The following PEBP4 variants were observed in gnomAD, a reference collection of about 807,000 sequenced individuals.
PEBP4 encodes phosphatidylethanolamine-binding protein 4.
In PEBP4, 22 loss-of-function variants were observed where a neutral mutation model predicts 23.9. That is an observed-to-expected ratio of 0.92 (90% CI 0.66 to 1.31). The LOEUF (loss-of-function observed/expected upper bound fraction) is 1.31, where lower values mean the gene tolerates loss of function less well. PEBP4 is among the 40% of genes most tolerant of loss of function. The pLI is 0.00. For missense variants in PEBP4, 324 were observed against 281.7 expected, an observed-to-expected ratio of 1.15 and a Z score of -1.07; for synonymous variants, 112 against 99.3, an observed-to-expected ratio of 1.13 and a Z score of -0.76.
At chr8:22,794,677 T>G (rs1224104572) in intron 4 of PEBP4, among the ~76,000 whole-genome samples, 1 of 152,190 alleles carries the variant, frequency 6.6e-6, no homozygotes, top group East Asian at 1.9e-4. Flanking sequence ...TTCAATGTGC[T>G]GCTTGCTTCT....
At chr8:22,817,811 C>A in intron 3 of PEBP4, 76 bp from the exon 4 acceptor site, 1 of 1,369,888 alleles carries the variant, frequency 7.3e-7, no homozygotes, top group Admixed American at 1.7e-5. Flanking sequence ...ACCTCCTTTT[C>A]CCGCCATTCC....
At chr8:22,916,452 G>A (rs547381099) in intron 3 of PEBP4, among the ~76,000 whole-genome samples, 50 of 152,280 alleles carry the variant, frequency 3.3e-4, no homozygotes, top group Admixed American at 1.2e-3. Flanking sequence ...TCATGAACCT[G>A]CCTGACTTCC....
At chr8:22,830,147 T>TGTC (rs1393564112) in intron 3 of PEBP4, among the ~76,000 whole-genome samples, 21 of 80,942 alleles carry the variant, frequency 2.6e-4, no homozygotes, top group African/African-American at 9.2e-4. Context: ...GTGTGTGTGT[T>TGTC]TTTACGGAGT....
chr8:22,873,330 T>C (rs1431476477), intron 3 of PEBP4, among the ~76,000 whole-genome samples: 1 of 152,192 alleles, frequency 6.6e-6, no homozygotes, highest in African/African-American at 2.4e-5. Flanking sequence ...CAAGATAGCA[T>C]TTAAAGTAAC....
chr8:22,737,175 T>A (rs1804881964), intron 4 of PEBP4, among the ~76,000 whole-genome samples: 1 of 151,180 alleles, frequency 6.6e-6, no homozygotes, highest in South Asian at 2.1e-4. Context: ...GCGCCTGTAG[T>A]CCCAGTTACT....
chr8:22,822,355 G>GTGTGTGTGTGTGTGTGTGTGTA (rs1554489115), intron 3 of PEBP4, among the ~76,000 whole-genome samples: 55 of 17,776 alleles, frequency 3.1e-3, no homozygotes, highest in Admixed American at 0.03. Flanking sequence ...ATATACTAAA[G>GTGTGTGTGTGTGTGTGTGTGTA]TGTGTGTGTG....
chr8:22,752,964 CCT>C (rs1554481719), intron 4 of PEBP4, among the ~76,000 whole-genome samples: 2 of 152,192 alleles, frequency 1.3e-5, no homozygotes, highest in Non-Finnish European at 2.9e-5. Context: ...GAGACGTATT[CCT>C]GCTATGTCTC....
chr8:22,741,236 C>T (rs1051987767), intron 4 of PEBP4, among the ~76,000 whole-genome samples: 4 of 152,178 alleles, frequency 2.6e-5, no homozygotes, highest in African/African-American at 7.2e-5. Flanking sequence ...GCTGAGCTGC[C>T]GTTCTCACGT....
At chr8:22,934,967 T>C (rs897336155) in intron 1 of PEBP4, among the ~76,000 whole-genome samples, 3 of 152,202 alleles carry the variant, frequency 2.0e-5, no homozygotes, top group African/African-American at 7.2e-5. Context: ...GGGATGGCTA[T>C]ATTAATATCA....
intron 1 of PEBP4, among the ~76,000 whole-genome samples, chr8:22,936,456 A>G (rs1809542156): frequency 6.6e-6 from 1 of 152,306 alleles, no homozygotes; most frequent in South Asian, 2.1e-4. Context: ...AGATTGAAGC[A>G]GTAATCAAAA....
intron 6 of PEBP4, among the ~76,000 whole-genome samples, chr8:22,720,707 G>T (rs535449499): frequency 6.6e-6 from 1 of 152,070 alleles, no homozygotes; most frequent in East Asian, 1.9e-4. Context: ...CACCAGTTAA[G>T]GCTGTTTAGA....
intron 3 of PEBP4, among the ~76,000 whole-genome samples, chr8:22,860,608 C>T (rs189149849): frequency 3.3e-5 from 5 of 152,196 alleles, no homozygotes; most frequent in African/African-American, 4.8e-5. Context: ...GGATATACCA[C>T]GTTGTGTTTA....
chr8:22,724,925 A>T lies in PEBP4; in HGVS notation c.435T>A (p.Ser145Arg). 6.2e-7 allele frequency: 1 copy of T among 1,614,130 alleles called. No individual in the cohort carries two copies. The highest frequency in any genetic ancestry group is 8.5e-7 in the Non-Finnish European group (1 of 1,180,008). The change falls in exon 6 of 7, where the codon AGT becomes AGA. Residue 145 changes from serine to arginine, a missense_variant. Transcript: ENST00000256404. ...CAAAGAACTGGTAGCGATGGAAGCC[A>T]CTGTGTGCCGGTGGGGAGGGAGCCT... Reference protein sequence around the residue: ...AYQAPSPPAHSGFHRYQFFVY... With the variant: ...AYQAPSPPAHRGFHRYQFFVY...
intron 4 of PEBP4, among the ~76,000 whole-genome samples, chr8:22,776,433 G>A (rs1805816519): frequency 6.6e-6 from 1 of 151,988 alleles, no homozygotes; most frequent in Non-Finnish European, 1.5e-5. Context: ...TGGCATGTGA[G>A]TACCTTTGAA....
intron 4 of PEBP4, among the ~76,000 whole-genome samples, chr8:22,773,777 C>T (rs1446776625): frequency 6.6e-6 from 1 of 152,140 alleles, no homozygotes; most frequent in African/African-American, 2.4e-5. Context: ...CAGCCGGGGG[C>T]TTTAGGATGC....
intron 3 of PEBP4, among the ~76,000 whole-genome samples, chr8:22,916,631 A>T (rs1809078723): frequency 6.6e-6 from 1 of 151,862 alleles, no homozygotes; most frequent in Non-Finnish European, 1.5e-5. Flanking sequence ...ACTCCAGGAG[A>T]TGCTCTCCCA....
At chr8:22,835,955 G>T (rs538671847) in intron 3 of PEBP4, among the ~76,000 whole-genome samples, 1 of 152,222 alleles carries the variant, frequency 6.6e-6, no homozygotes, top group African/African-American at 2.4e-5. Flanking sequence ...GTTACTGAGG[G>T]AGACAGACGT....
At chr8:22,721,664 C>T (rs1193812722) in intron 6 of PEBP4, among the ~76,000 whole-genome samples, 1 of 152,104 alleles carries the variant, frequency 6.6e-6, no homozygotes, top group Non-Finnish European at 1.5e-5. Context: ...CCTGCCTGTT[C>T]ACCCAGGGGA....
intron 3 of PEBP4, among the ~76,000 whole-genome samples, chr8:22,918,804 AG>A: frequency 6.6e-6 from 1 of 152,242 alleles, no homozygotes; most frequent in Admixed American, 6.5e-5. Flanking sequence ...CCATCCCAGG[AG>A]TTAGAATCAG....
Sources: gnomAD v4.1 joint callset for allele counts (sites outside exome capture counted in the v4.1 genomes callset) on GRCh38, gnomAD v4.1.1 for gene constraint, MANE v1.5 for transcripts, NCBI Gene and HGNC (gene_info 2026-07-23, HGNC 2026-07-21) for gene names.